PPP2R5C: variants seen among roughly 807,000 people sequenced by gnomAD.
PPP2R5C encodes the protein protein phosphatase 2 regulatory subunit B'gamma.
A neutral mutation model predicts 68.9 loss-of-function variants in PPP2R5C; 7 were observed. That is an observed-to-expected ratio of 0.10 (90% CI 0.06 to 0.19). The LOEUF is 0.19. Ranked by LOEUF, PPP2R5C falls within the 10% of genes least tolerant of loss-of-function variation. The pLI, the probability that PPP2R5C is intolerant of heterozygous loss-of-function variation, is 1.00. For synonymous variants in PPP2R5C, 210 were observed against 222.2 expected (o/e 0.95, Z 0.49); for missense variants, 348 against 641.3 (o/e 0.54, Z 4.94).
exon 14 of PPP2R5C, chr14:101,925,406 C>G: frequency 1.4e-6 from 2 of 1,388,078 alleles, no homozygotes; most frequent in South Asian, 3.0e-5. Context: ...CAATAACGTG[C>G]GTCCGCCTCA....
intron 1 of PPP2R5C, among the ~76,000 whole-genome samples, chr14:101,829,359 TCAATCTCCAGCTAC>T (rs561614938): frequency 1.5e-3 from 222 of 152,318 alleles, no homozygotes; most frequent in Middle Eastern, 3.4e-3. Flanking sequence ...GCTTCCTTCT[TCAATCTCCAGCTAC>T]CATTCATTTC....
At chr14:101,919,723 T>A (rs2046901831) in intron 13 of PPP2R5C, among the ~76,000 whole-genome samples, 1 of 152,128 alleles carries the variant, frequency 6.6e-6, no homozygotes. Context: ...ATCCCAGCAC[T>A]TTGGGAGGCC....
intron 2 of PPP2R5C, among the ~76,000 whole-genome samples, chr14:101,878,291 A>G (rs1869788930): frequency 6.6e-6 from 1 of 152,216 alleles, no homozygotes; most frequent in East Asian, 1.9e-4. Context: ...AAGGGAGGCC[A>G]CAAGCATTGA....
In PPP2R5C at chr14:101,835,076, C is replaced by A. The variant is rs1331542322; in HGVS notation, c.95-21610C>A. On this transcript the variant is annotated intron_variant, in intron 1 of 13. Transcript: ENST00000334743. The surrounding 1 kb of genome is among the most constrained non-coding windows in gnomAD (Gnocchi z 5.0). ...CACAGTAAGGAAAAAAAAAATGCAGCCTGTGTCTTCAGGGACTGGGAGTCT... is the reference window on the plus strand; with the variant it reads ...CACAGTAAGGAAAAAAAAAATGCAGACTGTGTCTTCAGGGACTGGGAGTCT... 6.6e-6 allele frequency among the ~76,000 whole-genome samples: 1 copy of A among 152,164 alleles called. No homozygotes were observed. The highest frequency in any genetic ancestry group is 1.5e-5 in the Non-Finnish European group (1 of 68,026).
intron 5 of PPP2R5C, among the ~76,000 whole-genome samples, chr14:101,885,271 A>G (rs955636393): frequency 5.3e-5 from 8 of 152,190 alleles, no homozygotes; most frequent in African/African-American, 1.9e-4. Context: ...AGACAGACAG[A>G]TGGCAGATGA....
At chr14:101,885,268 C>T (rs566421566) in intron 5 of PPP2R5C, among the ~76,000 whole-genome samples, 2 of 152,352 alleles carry the variant, frequency 1.3e-5, no homozygotes, top group East Asian at 1.9e-4. Flanking sequence ...CTGAGACAGA[C>T]AGATGGCAGA....
At position 101,892,987 on chromosome 14, in the gene PPP2R5C, G is replaced by C. The variant is rs8007592; in HGVS notation, c.690-13G>C. ...TCGTAAATGTTCAAACCTAATAAAT[G>C]TTCTTTTTACAGTATAATTAATGGA... On this transcript the variant is annotated splice_polypyrimidine_tract_variant and intron_variant, in intron 6 of 13. Transcript: ENST00000334743. 36,309 of 1,507,538 alleles carry C rather than the reference G, an allele frequency of 0.024. 548 individuals are homozygous for C. The highest frequency in any genetic ancestry group is 0.029 in the Non-Finnish European group (31,094 of 1,088,748). 93.4% of individuals were successfully genotyped at this position (1,507,538 alleles called of 1,614,324 possible).
chr14:101,848,236 G>T (rs1229781922), intron 1 of PPP2R5C, among the ~76,000 whole-genome samples: 2 of 152,118 alleles, frequency 1.3e-5, no homozygotes, highest in Non-Finnish European at 2.9e-5. Context: ...AGGAACGTTA[G>T]AAAGTGTGTT....
intron 2 of PPP2R5C, 52 bp from the exon 3 acceptor site, chr14:101,785,966 A>G (rs995930206): frequency 9.7e-6 from 14 of 1,448,424 alleles, no homozygotes; most frequent in Non-Finnish European, 9.2e-7. Flanking sequence ...TAATAGTGCT[A>G]CAAAATACAA....
At chr14:101,820,317 C>T (rs779137225) in intron 1 of PPP2R5C, 1 of 152,170 alleles carries the variant, frequency 6.6e-6, no homozygotes, top group African/African-American at 2.4e-5. Context: ...GCCACAGACT[C>T]TTCTGCTGAG....
At chr14:101,927,927 C>G (rs1471590183) in exon 14 of PPP2R5C, 1 of 152,170 alleles carries the variant, frequency 6.6e-6, no homozygotes, top group East Asian at 1.9e-4. Context: ...TTTTCAAAAA[C>G]TCTAAAAAAC....
intron 3 of PPP2R5C, among the ~76,000 whole-genome samples, chr14:101,789,300 T>C (rs1001689618): frequency 2.0e-5 from 3 of 152,238 alleles, no homozygotes; most frequent in Admixed American, 2.0e-4. Context: ...CAGCGTTTCC[T>C]AAGTTGATGG....
At chr14:101,778,216 C>CT (rs1373844799) in intron 2 of PPP2R5C, among the ~76,000 whole-genome samples, 1 of 152,086 alleles carries the variant, frequency 6.6e-6, no homozygotes, top group Admixed American at 6.6e-5. Context: ...ATTTGTATAT[C>CT]TTTTTTGGTG....
chr14:101,770,618 CA>C (rs1008929446), intron 2 of PPP2R5C, among the ~76,000 whole-genome samples: 9 of 152,140 alleles, frequency 5.9e-5, no homozygotes, highest in Non-Finnish European at 1.3e-4. Flanking sequence ...TGGTTAAAGC[CA>C]ATAGATAAGA....
intron 1 of PPP2R5C, among the ~76,000 whole-genome samples, chr14:101,852,066 C>T (rs947851644): frequency 3.3e-5 from 5 of 152,204 alleles, no homozygotes; most frequent in Admixed American, 1.3e-4. Flanking sequence ...ACTCTTCTGT[C>T]CACGCTTGCC....
chr14:101,771,293 C>T (rs1233410689), intron 2 of PPP2R5C, among the ~76,000 whole-genome samples: 1 of 151,170 alleles, frequency 6.6e-6, no homozygotes, highest in East Asian at 2.0e-4. Context: ...CTCACCCTGT[C>T]GCCCAGGCTG....
intron 2 of PPP2R5C, among the ~76,000 whole-genome samples, chr14:101,863,261 T>G (rs1016542590): frequency 1.3e-5 from 2 of 151,814 alleles, no homozygotes; most frequent in African/African-American, 4.8e-5. Flanking sequence ...CGAGCCGAGA[T>G]TGAGCCACTG....
chr14:101,870,922 CTTG>C (rs1267361986), intron 2 of PPP2R5C, among the ~76,000 whole-genome samples: 14 of 152,052 alleles, frequency 9.2e-5, no homozygotes, highest in Non-Finnish European at 1.5e-4. Flanking sequence ...TGTTTATTGT[CTTG>C]TTGTAATTAT....
At chr14:101,777,440 C>A (rs559490573) in intron 2 of PPP2R5C, among the ~76,000 whole-genome samples, 1 of 152,112 alleles carries the variant, frequency 6.6e-6, no homozygotes, top group South Asian at 2.1e-4. Context: ...ACCTCTAACT[C>A]CTGGGTTCAA....
Sources: allele counts gnomAD v4.1 joint callset (sites outside exome capture counted in the v4.1 genomes callset), GRCh38; gene constraint gnomAD v4.1.1; non-coding constraint Gnocchi (gnomAD v3.1); transcripts MANE v1.5; gene names NCBI Gene and HGNC (gene_info 2026-07-23, HGNC 2026-07-21).